SORCS2: variants seen among roughly 807,000 people sequenced by gnomAD.
SORCS2 encodes the protein VPS10 domain-containing receptor SorCS2.
A neutral mutation model predicts 141.6 loss-of-function variants in SORCS2; 100 were observed. That is an observed-to-expected ratio of 0.71 (90% CI 0.60 to 0.83). The LOEUF (loss-of-function observed/expected upper bound fraction) is 0.83. Among genes scored for constraint, SORCS2 ranks in the 40% least tolerant of loss-of-function variants. The probability of loss-of-function intolerance (pLI) is 0.00; values close to 1 mark genes in which losing one functional copy is unlikely to be tolerated. For missense variants in SORCS2, 1,646 were observed against 1,560.2 expected, an observed-to-expected ratio of 1.05 and a Z score of -0.93; for synonymous variants, 789 against 676.9, an observed-to-expected ratio of 1.17 and a Z score of -2.57.
chr4:7,309,600 T>C (rs1353584570), intron 1 of SORCS2, among the ~76,000 whole-genome samples: 2 of 152,278 alleles, frequency 1.3e-5, no homozygotes, highest in Non-Finnish European at 1.5e-5. Context: ...CTGAAGATTT[T>C]TGAGGTATTT....
At chr4:7,600,590 T>G (rs1475191002) in intron 3 of SORCS2, among the ~76,000 whole-genome samples, 3 of 151,778 alleles carry the variant, frequency 2.0e-5, no homozygotes, top group Non-Finnish European at 4.4e-5. Flanking sequence ...GGAGCATTGC[T>G]AACCCGGGGT....
intron 12 of SORCS2, 71 bp downstream of exon 12, chr4:7,697,345 C>T: frequency 7.6e-7 from 1 of 1,309,980 alleles, no homozygotes; most frequent in Non-Finnish European, 1.1e-6. Flanking sequence ...CACTTCTGTT[C>T]TGTCATCCCG....
intron 3 of SORCS2, among the ~76,000 whole-genome samples, chr4:7,635,065 A>G (rs771452051): frequency 4.6e-5 from 7 of 152,226 alleles, no homozygotes; most frequent in Non-Finnish European, 8.8e-5. Flanking sequence ...GAAGCTGAAC[A>G]AAGCGTGGCA....
Position 7,714,156 on chromosome 4 carries a change from G to A in SORCS2, c.1990-84G>A. The stretch of plus-strand genomic sequence containing the variant: ...AACCTGAGCCATCAGCCATCTTCAG[G>A]CTCTGGCAGCCTCAGCGGCACAAGG... On this transcript the variant is annotated intron_variant, in intron 15 of 26. Coordinates refer to ENST00000507866, the MANE Select transcript of SORCS2 (RefSeq NM_020777.3). 6 of 1,506,182 alleles carry A rather than the reference G, an allele frequency of 4.0e-6. No homozygotes were observed. In the South Asian group the frequency reaches 6.5e-5, roughly 16 times the overall value. The allele number at this position is 1,506,182 out of a possible 1,614,324, so 93.3% of individuals were successfully genotyped here.
At chr4:7,310,129 A>T (rs2108919214) in intron 1 of SORCS2, among the ~76,000 whole-genome samples, 1 of 152,346 alleles carries the variant, frequency 6.6e-6, no homozygotes, top group South Asian at 2.1e-4. Flanking sequence ...TGGGGGATGG[A>T]GAGCCAGCAG....
intron 17 of SORCS2, among the ~76,000 whole-genome samples, chr4:7,717,006 G>A (rs1157814583): frequency 6.6e-6 from 1 of 152,242 alleles, no homozygotes; most frequent in Non-Finnish European, 1.5e-5. Context: ...GGGCAAGAGG[G>A]GGGATCAGCC....
intron 5 of SORCS2, among the ~76,000 whole-genome samples, chr4:7,656,008 C>A (rs1721750899): frequency 6.6e-6 from 1 of 152,256 alleles, no homozygotes; most frequent in South Asian, 2.1e-4. Flanking sequence ...ACACTGACCA[C>A]CACGGCCCCG....
At chr4:7,678,938 G>A (rs953445535) in intron 9 of SORCS2, among the ~76,000 whole-genome samples, 1 of 152,178 alleles carries the variant, frequency 6.6e-6, no homozygotes, top group Non-Finnish European at 1.5e-5. Context: ...TTGCTGTGAG[G>A]TTTAAGGCTG....
At chr4:7,687,053 C>G (rs1466734140) in intron 10 of SORCS2, among the ~76,000 whole-genome samples, 2 of 152,196 alleles carry the variant, frequency 1.3e-5, no homozygotes, top group African/African-American at 4.8e-5. Context: ...TAATTCAACT[C>G]TAACCACTGT....
chr4:7,321,917 C>T (rs543261553), intron 1 of SORCS2, among the ~76,000 whole-genome samples: 3 of 152,156 alleles, frequency 2.0e-5, no homozygotes, highest in Admixed American at 6.5e-5. Flanking sequence ...CTGCAAGGGG[C>T]AGCCATGGGG....
intron 3 of SORCS2, among the ~76,000 whole-genome samples, chr4:7,616,124 C>G (rs1718739829): frequency 6.6e-6 from 1 of 152,146 alleles, no homozygotes; most frequent in African/African-American, 2.4e-5. Context: ...AGGGATGGAG[C>G]CTGGCAGGTG....
At chr4:7,622,729 G>A (rs1319012728) in intron 3 of SORCS2, among the ~76,000 whole-genome samples, 1 of 152,118 alleles carries the variant, frequency 6.6e-6, no homozygotes, top group Non-Finnish European at 1.5e-5. Flanking sequence ...CTTCTCACAG[G>A]AAACCAGAGC....
intron 1 of SORCS2, among the ~76,000 whole-genome samples, chr4:7,277,379 G>A (rs1472471825): frequency 1.3e-5 from 2 of 152,202 alleles, no homozygotes; most frequent in Non-Finnish European, 2.9e-5. Context: ...CACAGCAGCA[G>A]GGATGAGTGT....
chr4:7,438,148 T>G (rs1727426489), intron 2 of SORCS2, among the ~76,000 whole-genome samples: 1 of 152,214 alleles, frequency 6.6e-6, no homozygotes, highest in South Asian at 2.1e-4. Flanking sequence ...ATTTCCCAGG[T>G]CCAGCCCCAG....
chr4:7,421,045 G>T (rs1726009585), intron 2 of SORCS2, among the ~76,000 whole-genome samples: 1 of 152,202 alleles, frequency 6.6e-6, no homozygotes, highest in South Asian at 2.1e-4. Context: ...GGAGACCCGG[G>T]CCTGGTTCCC....
At chr4:7,550,385 G>T (rs1346955517) in intron 3 of SORCS2, among the ~76,000 whole-genome samples, 3 of 152,184 alleles carry the variant, frequency 2.0e-5, no homozygotes, top group Admixed American at 6.5e-5. Flanking sequence ...TTCTGCTTCT[G>T]CAAAAGGAAA....
chr4:7,317,640 A>G lies in SORCS2; in HGVS notation c.481-78648A>G, dbSNP rs564623328. Reference sequence around the variant, plus strand: ...CCTTCCTGTCCCACTGGAGGAATCAATGTTTCTTCACCTCTGTTTTCCAGG... The same window carrying G: ...CCTTCCTGTCCCACTGGAGGAATCAGTGTTTCTTCACCTCTGTTTTCCAGG... On this transcript the variant is annotated intron_variant, in intron 1 of 26. Coordinates refer to ENST00000507866, the MANE Select transcript of SORCS2 (RefSeq NM_020777.3). Among the ~76,000 whole-genome samples, 383 of 152,214 alleles carry G rather than the reference A, an allele frequency of 2.5e-3. 2 individuals are homozygous for G. Among genetic ancestry groups the G allele is most frequent in the Non-Finnish European group, 3.4e-3 (233 of 68,006 alleles).
At chr4:7,237,861 G>A (rs543312651) in intron 1 of SORCS2, among the ~76,000 whole-genome samples, 1 of 152,080 alleles carries the variant, frequency 6.6e-6, no homozygotes, top group Non-Finnish European at 1.5e-5. Context: ...TTTTTAGAGT[G>A]TGATTTCTCT....
intron 8 of SORCS2, among the ~76,000 whole-genome samples, chr4:7,669,192 C>T (rs547874188): frequency 1.3e-5 from 2 of 152,326 alleles, no homozygotes; most frequent in East Asian, 3.9e-4. Context: ...ACTCAAGAGA[C>T]TCTCACAGCA....
Sources: allele counts gnomAD v4.1 joint callset (sites outside exome capture counted in the v4.1 genomes callset), GRCh38; gene constraint gnomAD v4.1.1; transcripts MANE v1.5; gene names NCBI Gene and HGNC (gene_info 2026-07-23, HGNC 2026-07-21).